TMEFF2: variants seen among roughly 807,000 people sequenced by gnomAD.
TMEFF2 encodes transmembrane protein with EGF like and two follistatin like domains 2.
A neutral mutation model predicts 53.8 loss-of-function variants in TMEFF2; 28 were observed. The ratio of observed to expected loss-of-function variants is 0.52; its 90% confidence interval spans 0.39 to 0.71. The LOEUF (loss-of-function observed/expected upper bound fraction) is 0.71. TMEFF2 is among the 30% of genes least tolerant of loss of function. The pLI is 0.00. For synonymous variants in TMEFF2, 162 were observed against 166.3 expected (o/e 0.97, Z 0.20); for missense variants, 353 against 455.2 (o/e 0.78, Z 2.04).
chr2:192,112,221 C>T (rs1259389013), intron 4 of TMEFF2, among the ~76,000 whole-genome samples: 1 of 152,202 alleles, frequency 6.6e-6, no homozygotes, highest in East Asian at 1.9e-4. Flanking sequence ...ACACTCAACA[C>T]TAGGCCGTGA....
chr2:192,091,795 T>G (rs1251115079), intron 4 of TMEFF2, among the ~76,000 whole-genome samples: 7 of 152,132 alleles, frequency 4.6e-5, no homozygotes, highest in African/African-American at 1.2e-4. Flanking sequence ...AGCTATGAAC[T>G]GCTATGTGCC....
At chr2:192,062,821 C>T (rs1688076847) in intron 4 of TMEFF2, among the ~76,000 whole-genome samples, 1 of 151,864 alleles carries the variant, frequency 6.6e-6, no homozygotes, top group South Asian at 2.1e-4. Context: ...CTGTAATTTT[C>T]TTTTCTTGTA....
chr2:192,192,223 T>C (rs1018690877), intron 1 of TMEFF2, among the ~76,000 whole-genome samples: 1 of 152,194 alleles, frequency 6.6e-6, no homozygotes, highest in African/African-American at 2.4e-5. Flanking sequence ...CCTTTTCTGA[T>C]AGTGCTATTT....
At chr2:192,065,217 CTTCCTACTTT>C (rs752489399) in intron 4 of TMEFF2, among the ~76,000 whole-genome samples, 103 of 151,924 alleles carry the variant, frequency 6.8e-4, no homozygotes, top group Non-Finnish European at 1.4e-3. Flanking sequence ...TAACGCTACT[CTTCCTACTTT>C]ATGCATGGTT....
In TMEFF2 at chr2:192,057,773, G is replaced by A. The variant is rs61744272; in HGVS notation, c.442C>T (p.His148Tyr). The A allele has an allele frequency of 3.6e-3, 5,760 of 1,612,172 alleles. 176 individuals are homozygous for A. In the African/African-American group the frequency reaches 0.063, roughly 18 times the overall value. Reference protein sequence around the residue: ...DAGSGSGDGVHEGSGETSQKE... With the variant: ...DAGSGSGDGVYEGSGETSQKE... The stretch of plus-strand genomic sequence containing the variant: ...TGACTAGTTTCTCCAGAGCCTTCAT[G>A]GACTGTAGGACAGAAAAACAGTAAA... Residue 148 changes from histidine to tyrosine, a missense_variant and splice_region_variant, in exon 5 of 10, where the codon CAT becomes TAT. Coordinates refer to ENST00000272771, the MANE Select transcript of TMEFF2 (RefSeq NM_016192.4).
At chr2:192,116,126 C>T (rs184304299) in intron 4 of TMEFF2, among the ~76,000 whole-genome samples, 64 of 152,024 alleles carry the variant, frequency 4.2e-4, no homozygotes, top group Admixed American at 9.8e-4. Flanking sequence ...TTGTGATACA[C>T]ATAAACACAA....
At chr2:192,079,296 A>G (rs529903918) in intron 4 of TMEFF2, among the ~76,000 whole-genome samples, 3 of 152,298 alleles carry the variant, frequency 2.0e-5, no homozygotes, top group African/African-American at 7.2e-5. Flanking sequence ...TTGCTGTGCA[A>G]AATCTTGCCT....
chr2:192,002,701 G>C (rs1399960023), intron 5 of TMEFF2, among the ~76,000 whole-genome samples: 1 of 152,016 alleles, frequency 6.6e-6, no homozygotes, highest in Non-Finnish European at 1.5e-5. Context: ...GTGCTGTTGG[G>C]CACCTGTAAT....
intron 4 of TMEFF2, among the ~76,000 whole-genome samples, chr2:192,134,120 C>A (rs946937438): frequency 6.6e-6 from 1 of 152,176 alleles, no homozygotes; most frequent in Non-Finnish European, 1.5e-5. Context: ...CTATGCTCAA[C>A]TCACTCTCTA....
At position 191,988,431 on chromosome 2, in the gene TMEFF2, A is replaced by C. The variant is rs77281762; in HGVS notation, c.745+9831T>G. ...GTGCTCTTTAAATAATAGAAAAGTAAATAGGAAAAAATCCAGTGGTGCAAG... is the reference window on the plus strand; with the variant it reads ...GTGCTCTTTAAATAATAGAAAAGTACATAGGAAAAAATCCAGTGGTGCAAG... On this transcript the variant is annotated intron_variant, in intron 7 of 9. Transcript: ENST00000272771. 8.7e-3 allele frequency among the ~76,000 whole-genome samples: 1,332 copies of C among 152,316 alleles called. 9 individuals carry two copies. Among genetic ancestry groups the C allele is most frequent in the Non-Finnish European group, 0.014 (950 of 68,028 alleles).
intron 5 of TMEFF2, among the ~76,000 whole-genome samples, chr2:192,017,670 T>A (rs1686772803): frequency 6.6e-6 from 1 of 152,214 alleles, no homozygotes; most frequent in Admixed American, 6.5e-5. Flanking sequence ...TCAGTCCTAA[T>A]TCCCCTTTTT....
At chr2:192,150,784 C>T (rs1241566984) in intron 4 of TMEFF2, among the ~76,000 whole-genome samples, 3 of 150,950 alleles carry the variant, frequency 2.0e-5, no homozygotes, top group Non-Finnish European at 3.0e-5. Context: ...CATTTCTCCT[C>T]CCAGCCTCTT....
chr2:192,103,852 A>T (rs1689088949), intron 4 of TMEFF2, among the ~76,000 whole-genome samples: 1 of 151,694 alleles, frequency 6.6e-6, no homozygotes, highest in Non-Finnish European at 1.5e-5. Flanking sequence ...GAGAGAGTAG[A>T]GGGAAAAAGA....
At position 191,964,278 on chromosome 2, in the gene TMEFF2, T is replaced by A. The variant is rs1407400050; in HGVS notation, c.746-7900A>T. Among the ~76,000 whole-genome samples the A allele has an allele frequency of 2.7e-5, 4 of 149,014 alleles. No individual in the cohort carries two copies. The East Asian group carries it at 5.8e-4, about 22-fold the overall frequency. On this transcript the variant is annotated intron_variant, in intron 7 of 9. Transcript: ENST00000272771. Reference sequence around the variant, plus strand: ...CTTCCTCCTTTCTTTTCTTTTTTCTTTTCCTTTTCCTTCTTTCCTTCTTTC... The same window carrying A: ...CTTCCTCCTTTCTTTTCTTTTTTCTATTCCTTTTCCTTCTTTCCTTCTTTC...
chr2:192,052,308 C>T (rs1246858153), intron 5 of TMEFF2, among the ~76,000 whole-genome samples: 1 of 152,170 alleles, frequency 6.6e-6, no homozygotes, highest in African/African-American at 2.4e-5. Context: ...TATGGTCAGA[C>T]CCAGCTATCA....
chr2:192,004,610 G>T (rs559975679), intron 5 of TMEFF2, among the ~76,000 whole-genome samples: 24 of 152,082 alleles, frequency 1.6e-4, no homozygotes, highest in African/African-American at 5.3e-4. Context: ...GTGAGACCCC[G>T]TCTCTAAATA....
At chr2:192,035,833 C>T (rs1334965012) in intron 5 of TMEFF2, among the ~76,000 whole-genome samples, 2 of 152,206 alleles carry the variant, frequency 1.3e-5, no homozygotes, top group African/African-American at 4.8e-5. Flanking sequence ...CTCACCACCT[C>T]CCTCCCCTAC....
chr2:192,107,336 C>G (rs1351789071), intron 4 of TMEFF2, among the ~76,000 whole-genome samples: 1 of 151,582 alleles, frequency 6.6e-6, no homozygotes, highest in South Asian at 2.1e-4. Flanking sequence ...CATGGATTAG[C>G]ACAAAAGAAA....
chr2:192,089,350 T>TC (rs1273218141), intron 4 of TMEFF2, among the ~76,000 whole-genome samples: 1 of 151,970 alleles, frequency 6.6e-6, no homozygotes, highest in Non-Finnish European at 1.5e-5. Flanking sequence ...AGTCTTTTTT[T>TC]CCCCCCAAAG....
Sources: allele counts gnomAD v4.1 joint callset (sites outside exome capture counted in the v4.1 genomes callset), GRCh38; gene constraint gnomAD v4.1.1; transcripts MANE v1.5; gene names NCBI Gene and HGNC (gene_info 2026-07-23, HGNC 2026-07-21).